PIK3C3: variants seen among roughly 807,000 people sequenced by gnomAD.
PIK3C3 encodes PI3-kinase type 3.
In PIK3C3, 95 loss-of-function variants were observed where a neutral mutation model predicts 126.1. The observed-to-expected ratio is 0.75, with a 90% CI of 0.64 to 0.89. The LOEUF is 0.89. Among genes scored for constraint, PIK3C3 ranks in the 40% least tolerant of loss-of-function variants. The probability of loss-of-function intolerance (pLI) is 0.00; values close to 1 mark genes in which losing one functional copy is unlikely to be tolerated. For missense variants in PIK3C3, 829 were observed against 1,063.2 expected (o/e 0.78, Z 3.06); for synonymous variants, 374 against 360.0 (o/e 1.04, Z -0.44).
rs1485565446 is a variant in PIK3C3 at position 42,076,149 on chromosome 18, TATATATATATATGCAC to T, written c.2650-4947_2650-4932del. 3.1e-3 allele frequency among the ~76,000 whole-genome samples: 278 copies of T among 88,552 alleles called. 2 individuals are homozygous for T. Among genetic ancestry groups the T allele is most frequent in the South Asian group, 0.011 (35 of 3,050 alleles). The allele number at this position is 88,552 out of a possible 152,430, so 58.1% of individuals were successfully genotyped here. ...GCATATATATATATATATATGCGCA[TATATATATATATGCAC>T]ATATATATATATGCACATATATATA... On this transcript the variant is annotated intron_variant, in intron 24 of 24. Transcript: ENST00000262039.
intron 20 of PIK3C3, among the ~76,000 whole-genome samples, chr18:42,047,101 CTG>C (rs946840021): frequency 6.6e-6 from 1 of 152,112 alleles, no homozygotes; most frequent in African/African-American, 2.4e-5. Flanking sequence ...TCAGAATTAA[CTG>C]TTGCAACACA....
intron 3 of PIK3C3, among the ~76,000 whole-genome samples, chr18:41,963,323 G>A (rs910694234): frequency 6.6e-6 from 1 of 152,172 alleles, no homozygotes; most frequent in Non-Finnish European, 1.5e-5. Flanking sequence ...TAAGACTAAT[G>A]AGTTTGTGCC....
chr18:42,063,057 A>G (rs1985387030), intron 22 of PIK3C3, among the ~76,000 whole-genome samples: 1 of 152,128 alleles, frequency 6.6e-6, no homozygotes, highest in African/African-American at 2.4e-5. Flanking sequence ...GGCCAGTGTG[A>G]ACTGTTAAAA....
Position 41,955,409 on chromosome 18 carries a change from TG to T in PIK3C3, c.68+55del, listed in dbSNP as rs763567126. On this transcript the variant is annotated intron_variant, in intron 1 of 24. Coordinates refer to ENST00000262039, the MANE Select transcript of PIK3C3 (RefSeq NM_002647.4). ...GTGGGATTGCTGGGGCGTAGGGACG[TG>T]GGGGCAGGGGCCTGTTGGGAGTGAG... is the stretch of plus-strand genomic sequence containing the variant. The T allele has an allele frequency of 4.0e-6, 6 of 1,499,644 alleles. No homozygotes were observed. In the African/African-American group the frequency reaches 6.9e-5, roughly 17 times the overall value. The allele number at this position is 1,499,644 out of a possible 1,614,324, so 92.9% of individuals were successfully genotyped here.
In PIK3C3 at chr18:42,084,055, T is replaced by G. The variant is rs1986338360; in HGVS notation, c.*2918T>G. On this transcript the variant is annotated 3_prime_UTR_variant, in exon 25 of 25. Transcript: ENST00000262039. Reference sequence around the variant, plus strand: ...CACACTCAGTAGTCAGTAAACACATTTCTAGGAAAGGTGTTGTGTCATCAT... The same window carrying G: ...CACACTCAGTAGTCAGTAAACACATGTCTAGGAAAGGTGTTGTGTCATCAT... 1 of 152,194 alleles carries G rather than the reference T, an allele frequency of 6.6e-6. No individual in the cohort carries two copies. Among genetic ancestry groups the G allele is most frequent in the African/African-American group, 2.4e-5 (1 of 41,450 alleles). The allele number at this position is 152,194 out of a possible 1,614,324, so 9.4% of individuals were successfully genotyped here.
intron 12 of PIK3C3, among the ~76,000 whole-genome samples, chr18:42,019,276 C>G: frequency 6.6e-6 from 1 of 152,084 alleles, no homozygotes; most frequent in East Asian, 1.9e-4. Flanking sequence ...ACAAAACTGT[C>G]CCTTGAAACC....
chr18:41,958,387 A>G (rs1979900622), intron 2 of PIK3C3, among the ~76,000 whole-genome samples: 1 of 152,124 alleles, frequency 6.6e-6, no homozygotes, highest in South Asian at 2.1e-4. Flanking sequence ...AGCGAGTGTT[A>G]TTCAGCACTC....
intron 9 of PIK3C3, among the ~76,000 whole-genome samples, chr18:42,001,326 C>T (rs1441250384): frequency 2.0e-5 from 3 of 152,168 alleles, no homozygotes; most frequent in Non-Finnish European, 4.4e-5. Context: ...AGTTAATGTG[C>T]TTCAATTTAG....
chr18:41,960,736 A>ATTTTTTC (rs1221039022), intron 2 of PIK3C3, among the ~76,000 whole-genome samples: 1 of 150,136 alleles, frequency 6.7e-6, no homozygotes, highest in Non-Finnish European at 1.5e-5. Flanking sequence ...CTGAAGGATC[A>ATTTTTTC]TTTTTTCTTT....
At chr18:42,029,121 A>G (rs567876414) in intron 14 of PIK3C3, among the ~76,000 whole-genome samples, 1 of 152,316 alleles carries the variant, frequency 6.6e-6, no homozygotes, top group African/African-American at 2.4e-5. Context: ...GACTCAGATA[A>G]TTTTCGATTG....
chr18:42,076,087 T>TGC (rs1985961395), intron 24 of PIK3C3, among the ~76,000 whole-genome samples: 3 of 95,528 alleles, frequency 3.1e-5, no homozygotes, highest in African/African-American at 1.5e-4. Flanking sequence ...TGCTTTACCT[T>TGC]GCATATATAT....
chr18:42,039,878 T>TA (rs1984227246), intron 18 of PIK3C3, among the ~76,000 whole-genome samples: 1 of 152,196 alleles, frequency 6.6e-6, no homozygotes, highest in African/African-American at 2.4e-5. Flanking sequence ...AAACAATAAA[T>TA]ACCTGTTAAG....
chr18:42,001,379 A>C (rs1982280878), intron 9 of PIK3C3, among the ~76,000 whole-genome samples: 1 of 152,196 alleles, frequency 6.6e-6, no homozygotes. Context: ...ATTGGAACCC[A>C]AACACCCTGG....
chr18:42,023,083 T>G (rs773552540), intron 13 of PIK3C3, among the ~76,000 whole-genome samples: 3 of 152,226 alleles, frequency 2.0e-5, no homozygotes, highest in Non-Finnish European at 4.4e-5. Context: ...TTGTATATTT[T>G]TAAAACCATT....
intron 16 of PIK3C3, among the ~76,000 whole-genome samples, 157 bp from the exon 17 acceptor site, chr18:42,037,535 C>A (rs1984110324): frequency 6.6e-6 from 1 of 152,178 alleles, no homozygotes; most frequent in Non-Finnish European, 1.5e-5. Flanking sequence ...CTGTTCTTTC[C>A]AGTATACCCT....
intron 10 of PIK3C3, among the ~76,000 whole-genome samples, chr18:42,012,183 T>TA (rs200019420): frequency 0.012 from 1,776 of 142,210 alleles, 28 homozygotes; most frequent in African/African-American, 0.034. Flanking sequence ...CTTCATTCTG[T>TA]AAAAAAAAAA....
At chr18:42,027,933 G>A (rs1380860458) in intron 14 of PIK3C3, among the ~76,000 whole-genome samples, 1 of 152,162 alleles carries the variant, frequency 6.6e-6, no homozygotes, top group Non-Finnish European at 1.5e-5. Context: ...TGGCATTACA[G>A]GCGTGAGCCA....
In PIK3C3 at chr18:42,076,121, TGCGC is replaced by T. The variant is rs1257487348; in HGVS notation, c.2650-5001_2650-4998del. On this transcript the variant is annotated intron_variant, in intron 24 of 24. Transcript: ENST00000262039. ...ATATATATATATATATATATATATA[TGCGC>T]ATATATATATATATATATGCGCATA... 8.6e-3 allele frequency among the ~76,000 whole-genome samples: 471 copies of T among 54,812 alleles called. 19 individuals are homozygous for T. Among genetic ancestry groups the T allele is most frequent in the African/African-American group, 0.021 (263 of 12,724 alleles). The allele number at this position is 54,812 out of a possible 152,430, so 36.0% of individuals were successfully genotyped here. A position where few individuals can be genotyped will look rare whatever the true frequency, so the allele number is the denominator to read the frequency against.
In PIK3C3 at chr18:41,957,579, G is replaced by C; in HGVS notation, c.78G>C (p.Leu26Phe). ...GGTCTTGTGCTTTCAGAGGAAGCTT[G>C]GAAGGGAAGAGAGAACAAAAGAGTT... ...DINVQLKIGS[L>F]EGKREQKSYK... The change falls in exon 2 of 25, where the codon TTG becomes TTC. Residue 26 changes from leucine to phenylalanine, a missense_variant. Transcript: ENST00000262039. The C allele has an allele frequency of 6.2e-7, 1 of 1,606,244 alleles. No homozygotes were observed. The highest frequency in any genetic ancestry group is 8.5e-7 in the Non-Finnish European group (1 of 1,178,080).
Sources: allele counts gnomAD v4.1 joint callset (sites outside exome capture counted in the v4.1 genomes callset), GRCh38; gene constraint gnomAD v4.1.1; transcripts MANE v1.5; gene names NCBI Gene and HGNC (gene_info 2026-07-23, HGNC 2026-07-21).